PLEKHG7: variants seen among roughly 807,000 people sequenced by gnomAD.
The protein encoded by PLEKHG7 is pleckstrin homology domain-containing family G member 7.
In PLEKHG7, 77 loss-of-function variants were observed where a neutral mutation model predicts 85.2. The observed-to-expected ratio is 0.90, with a 90% CI of 0.75 to 1.09. PLEKHG7 has a LOEUF of 1.09. PLEKHG7 is among the 50% of genes least tolerant of loss of function. The pLI is 0.00. For missense variants in PLEKHG7, 777 were observed against 804.3 expected, an observed-to-expected ratio of 0.97 and a Z score of 0.41; for synonymous variants, 301 against 302.4, an observed-to-expected ratio of 1.00 and a Z score of 0.05.
At chr12:92,732,806 C>T (rs1872030001) in intron 5 of PLEKHG7, among the ~76,000 whole-genome samples, 1 of 152,090 alleles carries the variant, frequency 6.6e-6, no homozygotes, top group Non-Finnish European at 1.5e-5. Flanking sequence ...GACTTTACTG[C>T]CTAAGACAAG....
In PLEKHG7 at chr12:92,756,338, T is replaced by C. The variant is rs1237444556; in HGVS notation, c.1583T>C (p.Ile528Thr). ...TTTAAAGAACACATGGCAGAAAACA[T>C]CTTGTCACCAACCAGCAGACACCTT... ...HIFKEHMAENILSPTSRHLLY... is the reference protein window; with the variant it reads ...HIFKEHMAENTLSPTSRHLLY... Residue 528 changes from isoleucine (I) to threonine (T), a missense_variant, in exon 13 of 17, where the codon ATC becomes ACC. Ile to Thr is a moderately conservative substitution (Grantham distance 89, BLOSUM62 -1). Transcript: ENST00000344636. 37 of 1,613,156 alleles carry C rather than the reference T, an allele frequency of 2.3e-5. No homozygotes were observed. Among genetic ancestry groups the C allele is most frequent in the Non-Finnish European group, 3.1e-5 (37 of 1,179,130 alleles).
At chr12:92,706,014 C>T (rs1490294578) in intron 1 of PLEKHG7, among the ~76,000 whole-genome samples, 1 of 152,174 alleles carries the variant, frequency 6.6e-6, no homozygotes, top group Non-Finnish European at 1.5e-5. Flanking sequence ...ACCTTCAAAG[C>T]CTGTCTCATT....
In PLEKHG7 at chr12:92,754,094, G is replaced by T; in HGVS notation, c.1256G>T (p.Cys419Phe). ...GGCTGCTTTTGCCTTCCCCAGTGGT[G>T]TGAGCAGAATGAACAATGCAGACGG... ...RDDFGIYLKW[C>F]EQNEQCRRLH... is the part of the protein sequence containing the mutation. Residue 419 changes from cysteine to phenylalanine, a missense_variant, in exon 11 of 17, where the codon TGT becomes TTT. Physicochemically the swap from Cys to Phe is radical, Grantham distance 205 (BLOSUM62 -2). Coordinates refer to ENST00000344636, the MANE Select transcript of PLEKHG7 (RefSeq NM_001377329.1). The T allele has an allele frequency of 6.2e-7, 1 of 1,613,322 alleles. No individual in the cohort carries two copies. The highest frequency in any genetic ancestry group is 8.5e-7 in the Non-Finnish European group (1 of 1,179,470).
In PLEKHG7 at chr12:92,765,995, TG is replaced by T. The variant is rs147141088; in HGVS notation, c.1870+1804del. 5.9e-3 allele frequency among the ~76,000 whole-genome samples: 894 copies of T among 152,278 alleles called. 8 individuals carry two copies. Among genetic ancestry groups the T allele is most frequent in the African/African-American group, 0.021 (856 of 41,538 alleles). On this transcript the variant is annotated intron_variant, in intron 15 of 16. Transcript: ENST00000344636. ...TAAAGCCTCTTGTATTTAACTTGAC[TG>T]GGACCAAAGTCTATGTAGGGCAAAA...
chr12:92,766,436 C>G (rs1189701765), intron 15 of PLEKHG7, among the ~76,000 whole-genome samples: 1 of 152,146 alleles, frequency 6.6e-6, no homozygotes, highest in Non-Finnish European at 1.5e-5. Flanking sequence ...ACAACCCTGC[C>G]AGCTTTAAGA....
intron 15 of PLEKHG7, among the ~76,000 whole-genome samples, chr12:92,767,596 A>AT (rs1407938097): frequency 6.6e-6 from 1 of 151,712 alleles, no homozygotes; most frequent in Non-Finnish European, 1.5e-5. Context: ...AACAGACTTT[A>AT]TTTTTTGTAG....
At chr12:92,750,703 T>C (rs1033930734) in intron 10 of PLEKHG7, among the ~76,000 whole-genome samples, 1 of 152,164 alleles carries the variant, frequency 6.6e-6, no homozygotes, top group Non-Finnish European at 1.5e-5. Context: ...TGAGTCAACA[T>C]GGAAATCAGC....
chr12:92,706,684 C>G lies in PLEKHG7; in HGVS notation c.53C>G (p.Ala18Gly), dbSNP rs778269951. Residue 18 changes from alanine to glycine, a missense_variant, in exon 2 of 17, where the codon GCC becomes GGC. Around this residue, in one of 3 missense-constraint regions of PLEKHG7, gnomAD observed 252 missense variants for 241.9 expected, o/e 1.04. Coordinates refer to ENST00000344636, the MANE Select transcript of PLEKHG7 (RefSeq NM_001377329.1). The part of the protein sequence containing the change: ...CPEVPPQDCG[A>G]SPRPSLRSLP... ...GAGGTGCCACCCCAAGACTGTGGAG[C>G]CTCTCCTCGGCCCTCGCTGAGGAGC... 2.3e-5 allele frequency: 37 copies of G among 1,614,052 alleles called. No homozygotes were observed. The highest frequency in any genetic ancestry group is 3.1e-5 in the Non-Finnish European group (37 of 1,180,024).
intron 10 of PLEKHG7, among the ~76,000 whole-genome samples, chr12:92,751,933 C>T (rs1872702409): frequency 6.6e-6 from 1 of 151,858 alleles, no homozygotes; most frequent in Non-Finnish European, 1.5e-5. Flanking sequence ...GGGAGGACTG[C>T]TTGAGACCAG....
At chr12:92,740,993 C>T (rs751910917) in intron 8 of PLEKHG7, 45 bp downstream of exon 8, 7 of 1,369,840 alleles carry the variant, frequency 5.1e-6, no homozygotes, top group Non-Finnish European at 7.3e-6. Flanking sequence ...CACTAGAGGA[C>T]CATGAAAATT....
At chr12:92,747,520 A>G (rs867338923) in intron 10 of PLEKHG7, among the ~76,000 whole-genome samples, 1 of 152,352 alleles carries the variant, frequency 6.6e-6, no homozygotes, top group East Asian at 1.9e-4. Context: ...AGAAAACTAA[A>G]AATAAAACTA....
At chr12:92,739,482 A>C (rs538882820) in intron 7 of PLEKHG7, among the ~76,000 whole-genome samples, 132 of 152,334 alleles carry the variant, frequency 8.7e-4, no homozygotes, top group African/African-American at 3.2e-3. Context: ...GAGTTATGCC[A>C]CCTTCCTTGT....
intron 9 of PLEKHG7, among the ~76,000 whole-genome samples, chr12:92,743,471 A>G (rs1209632963): frequency 1.3e-5 from 2 of 150,830 alleles, no homozygotes; most frequent in Non-Finnish European, 3.0e-5. Flanking sequence ...AGGCTTAGAG[A>G]GGTTACATAA....
rs754130880 is a variant in PLEKHG7 at position 92,755,924 on chromosome 12, G to T, written c.1526G>T (p.Arg509Met). Residue 509 changes from arginine (R) to methionine (M), a missense_variant, in exon 12 of 17, where the codon AGG becomes ATG. Around this residue, in one of 3 missense-constraint regions of PLEKHG7, gnomAD observed 520 missense variants for 544.0 expected, o/e 0.96. Coordinates refer to ENST00000344636, the MANE Select transcript of PLEKHG7 (RefSeq NM_001377329.1). Reference sequence around the variant, plus strand: ...CCACCGCTTTGGGATAGAGATAAAAGGTTTTTCATTCCAGAGGTACAAAAA... The same window carrying T: ...CCACCGCTTTGGGATAGAGATAAAATGTTTTTCATTCCAGAGGTACAAAAA... ...VWPPLWDRDK[R>M]FFIPECLKHI... is the part of the protein sequence containing the mutation. The T allele has an allele frequency of 6.2e-7, 1 of 1,607,822 alleles. No homozygotes were observed.
At chr12:92,707,405 C>CGAT in intron 2 of PLEKHG7, 4 of 1,427,850 alleles carry the variant, frequency 2.8e-6, no homozygotes, top group Non-Finnish European at 3.6e-6. Flanking sequence ...CCAGGCTTAC[C>CGAT]GATGGTCTGT....
rs557347992 is a variant in PLEKHG7, at chr12:92,711,639, ATCT to A, written c.530+3968_530+3970del. The stretch of plus-strand genomic sequence containing the variant: ...GCTGTCTCTCAAAAGGAGAGTAGTT[ATCT>A]GCAGAAGATGGCAGGGTCTTGCTCC... On this transcript the variant is annotated intron_variant, in intron 3 of 16. Transcript: ENST00000344636. Among the ~76,000 whole-genome samples the A allele has an allele frequency of 6.1e-4, 93 of 152,342 alleles. 3 individuals carry two copies. The East Asian group carries it at 0.018, about 29-fold the overall frequency.
At chr12:92,724,397 T>A (rs929994837) in intron 3 of PLEKHG7, among the ~76,000 whole-genome samples, 1 of 152,194 alleles carries the variant, frequency 6.6e-6, no homozygotes, top group African/African-American at 2.4e-5. Flanking sequence ...GCCCTAATGA[T>A]CTTCTTATAA....
chr12:92,767,034 C>T (rs1251395278), intron 15 of PLEKHG7, among the ~76,000 whole-genome samples: 1 of 152,140 alleles, frequency 6.6e-6, no homozygotes, highest in Non-Finnish European at 1.5e-5. Flanking sequence ...AGTGACAGAC[C>T]TAATTCCAAA....
At chr12:92,749,631 T>G (rs1872629969) in intron 10 of PLEKHG7, 2 of 152,312 alleles carry the variant, frequency 1.3e-5, no homozygotes, top group East Asian at 3.9e-4. Context: ...GGCTAAGAAC[T>G]CTAGCTGCCA....
Sources: allele counts gnomAD v4.1 joint callset (sites outside exome capture counted in the v4.1 genomes callset), GRCh38; gene constraint gnomAD v4.1.1; regional missense constraint gnomAD v4.1.1; transcripts MANE v1.5; gene names NCBI Gene and HGNC (gene_info 2026-07-23, HGNC 2026-07-21).